The following SUPT3H variants were observed in gnomAD, a reference collection of about 807,000 sequenced individuals.
The protein encoded by SUPT3H is SPT3 homolog, SAGA and STAGA complex component, also known as transcription initiation protein SPT3 homolog.
In SUPT3H, 44 loss-of-function variants were observed where a neutral mutation model predicts 44.3. The observed-to-expected ratio is 0.99, with a 90% CI of 0.78 to 1.28. The LOEUF is 1.28. SUPT3H is among the 50% of genes most tolerant of loss of function. SUPT3H has a pLI of 0.00. For synonymous variants in SUPT3H, 124 were observed against 125.6 expected (o/e 0.99, Z 0.09); for missense variants, 380 against 387.1 (o/e 0.98, Z 0.15).
chr6:44,917,486 T>C (rs2153455373), intron 10 of SUPT3H, among the ~76,000 whole-genome samples: 1 of 152,346 alleles, frequency 6.6e-6, no homozygotes, highest in East Asian at 1.9e-4. Flanking sequence ...TCTCTGGTAG[T>C]GATTTTCTAT....
chr6:44,893,243 ATACTTT>A (rs557902915), intron 10 of SUPT3H, among the ~76,000 whole-genome samples: 1 of 152,170 alleles, frequency 6.6e-6, no homozygotes, highest in South Asian at 2.1e-4. Flanking sequence ...TTTAATTATT[ATACTTT>A]AAGTTTTAGG....
intron 2 of SUPT3H, among the ~76,000 whole-genome samples, chr6:45,249,556 A>C (rs1771996675): frequency 6.6e-6 from 1 of 152,208 alleles, no homozygotes; most frequent in Non-Finnish European, 1.5e-5. Context: ...AGGGGGATTA[A>C]CTCAGCAACA....
At chr6:45,203,572 T>C (rs1762744663) in intron 2 of SUPT3H, among the ~76,000 whole-genome samples, 1 of 152,204 alleles carries the variant, frequency 6.6e-6, no homozygotes, top group Non-Finnish European at 1.5e-5. Context: ...GAAATGCAAA[T>C]CAGGTCACTT....
At chr6:45,334,449 C>CA (rs551014969) in intron 2 of SUPT3H, among the ~76,000 whole-genome samples, 2,892 of 91,736 alleles carry the variant, frequency 0.032, 48 homozygotes, top group East Asian at 0.046. Context: ...TCAGGAAAAG[C>CA]AAAAAAAAAA....
intron 11 of SUPT3H, among the ~76,000 whole-genome samples, chr6:44,817,664 T>G (rs896654547): frequency 6.7e-6 from 1 of 149,462 alleles, no homozygotes; most frequent in African/African-American, 2.5e-5. Context: ...TATACAAAAA[T>G]CAATTTTATT....
chr6:44,870,993 T>A (rs1471264231), intron 10 of SUPT3H, among the ~76,000 whole-genome samples: 1 of 149,440 alleles, frequency 6.7e-6, no homozygotes, highest in Non-Finnish European at 1.5e-5. Context: ...GCTCAGAGGG[T>A]CCTATGCCCA....
chr6:44,992,124 T>C (rs180768408), intron 6 of SUPT3H, among the ~76,000 whole-genome samples: 21 of 152,328 alleles, frequency 1.4e-4, no homozygotes. Flanking sequence ...AATTCAATGA[T>C]ATTTTAAAAT....
At position 45,144,736 on chromosome 6, in the gene SUPT3H, T is replaced by C. The variant is rs576522133; in HGVS notation, c.102-38730A>G. ...AAACTCTCACCATTCACTGATAATA[T>C]GATCATATACCTAGAAAACCCTAAA... is the stretch of plus-strand genomic sequence containing the variant. On this transcript the variant is annotated intron_variant, in intron 2 of 10. Transcript: ENST00000371459. Among the ~76,000 whole-genome samples, 4 of 152,224 alleles carry C rather than the reference T, an allele frequency of 2.6e-5. No individual in the cohort carries two copies. The South Asian group carries it at 8.3e-4, about 32-fold the overall frequency.
At chr6:45,062,733 G>A (rs78095613) in intron 3 of SUPT3H, among the ~76,000 whole-genome samples, 67 of 152,212 alleles carry the variant, frequency 4.4e-4, no homozygotes, top group African/African-American at 1.5e-3. Flanking sequence ...ACTCCCACCC[G>A]AATATTGCGC....
chr6:45,281,981 C>G (rs974390525), intron 2 of SUPT3H, among the ~76,000 whole-genome samples: 1 of 152,164 alleles, frequency 6.6e-6, no homozygotes, highest in African/African-American at 2.4e-5. Flanking sequence ...CAAACAGGGT[C>G]TAGAGTGGAC....
In SUPT3H at chr6:44,961,846, A is replaced by G. The variant is rs766467380; in HGVS notation, c.505-18T>C. On this transcript the variant is annotated intron_variant, in intron 6 of 10. Coordinates refer to ENST00000371459, the MANE Select transcript of SUPT3H (RefSeq NM_003599.4). ...TCTGCTCTCTAAAAGATAAAAATAC[A>G]TAACATTTTTTAAAGCAAGCAGATT... 4.5e-6 allele frequency: 7 copies of G among 1,566,462 alleles called. No homozygotes were observed. Among genetic ancestry groups the G allele is most frequent in the Non-Finnish European group, 6.1e-6 (7 of 1,148,648 alleles).
chr6:44,954,506 T>A lies in SUPT3H; in HGVS notation c.682A>T (p.Thr228Ser). Residue 228 changes from threonine (T) to serine (S), a missense_variant, in exon 8 of 11, where the codon ACT (threonine) becomes TCT (serine). Thr to Ser is a moderately conservative substitution (Grantham distance 58). Transcript: ENST00000371459. ...ATTAGAATTCTTACCTGTGCCACAG[T>A]TTCATACGCTAAATATGCTAAGATT... ...MEILAYLAYE[T>S]VAQLVDLALL... is the part of the protein sequence containing the mutation. 1.2e-6 allele frequency: 2 copies of A among 1,613,456 alleles called. No homozygotes were observed. The highest frequency in any genetic ancestry group is 1.7e-6 in the Non-Finnish European group (2 of 1,179,408).
chr6:45,101,583 T>C lies in SUPT3H; in HGVS notation c.186+4339A>G, dbSNP rs144046356. Among the ~76,000 whole-genome samples, 238 of 152,310 alleles carry C rather than the reference T, an allele frequency of 1.6e-3. 2 individuals are homozygous for C. The highest frequency in any genetic ancestry group is 5.3e-3 in the African/African-American group (221 of 41,560). On this transcript the variant is annotated intron_variant, in intron 3 of 10. Transcript: ENST00000371459. ...AAATAATTTCTCGGGTTCCATAGCA[T>C]TATGTAGTGACTATAATAGTAACAA...
chr6:44,905,721 G>A (rs943678694), intron 10 of SUPT3H, among the ~76,000 whole-genome samples: 2 of 152,200 alleles, frequency 1.3e-5, no homozygotes, highest in African/African-American at 2.4e-5. Flanking sequence ...ACATGCACAT[G>A]TATGTTTATT....
chr6:45,191,691 T>C (rs756945882), intron 2 of SUPT3H, among the ~76,000 whole-genome samples: 1 of 152,030 alleles, frequency 6.6e-6, no homozygotes, highest in Non-Finnish European at 1.5e-5. Flanking sequence ...AAATACAGTC[T>C]ACAAAAATAA....
At chr6:44,890,528 A>C (rs1184211366) in intron 10 of SUPT3H, among the ~76,000 whole-genome samples, 1 of 147,452 alleles carries the variant, frequency 6.8e-6, no homozygotes, top group Non-Finnish European at 1.5e-5. Context: ...CAGACACCGC[A>C]TATTCTCACT....
At chr6:45,222,490 T>G (rs1206839260) in intron 2 of SUPT3H, among the ~76,000 whole-genome samples, 1 of 151,990 alleles carries the variant, frequency 6.6e-6, no homozygotes, top group East Asian at 1.9e-4. Context: ...CCACAGGAGA[T>G]TATCACTACA....
At chr6:45,308,168 C>G (rs1003238506) in intron 2 of SUPT3H, among the ~76,000 whole-genome samples, 3 of 152,084 alleles carry the variant, frequency 2.0e-5, no homozygotes, top group Non-Finnish European at 4.4e-5. Flanking sequence ...AGAATGGAAC[C>G]AAGTTGGAAA....
At chr6:44,870,422 C>A (rs1776181795) in intron 10 of SUPT3H, among the ~76,000 whole-genome samples, 1 of 151,910 alleles carries the variant, frequency 6.6e-6, no homozygotes, top group Non-Finnish European at 1.5e-5. Flanking sequence ...CACGGTGAAA[C>A]TCCATCTCTA....
Sources: allele counts gnomAD v4.1 joint callset (sites outside exome capture counted in the v4.1 genomes callset), GRCh38; gene constraint gnomAD v4.1.1; transcripts MANE v1.5; gene names NCBI Gene and HGNC (gene_info 2026-07-23, HGNC 2026-07-21).